Variants in ASTN1 observed in about 807,000 individuals in gnomAD.
The protein encoded by ASTN1 is astrotactin-1.
In ASTN1, 41 loss-of-function variants were observed where a neutral mutation model predicts 140.7. That is an observed-to-expected ratio of 0.29 (90% confidence interval 0.23 to 0.38). The LOEUF is 0.38. ASTN1 is among the 10% of genes least tolerant of loss of function. The pLI is 1.00. For synonymous variants in ASTN1, 640 were observed against 652.2 expected (o/e 0.98, Z 0.29); for missense variants, 1,479 against 1,678.8 (o/e 0.88, Z 2.08).
intron 16 of ASTN1, among the ~76,000 whole-genome samples, chr1:176,914,840 G>C (rs962380408): frequency 2.6e-5 from 4 of 152,144 alleles, no homozygotes; most frequent in Non-Finnish European, 4.4e-5. Flanking sequence ...AGAAATGAAA[G>C]GATTTGGTGC....
At chr1:177,053,995 G>A (rs1445329630) in intron 2 of ASTN1, among the ~76,000 whole-genome samples, 8 of 152,208 alleles carry the variant, frequency 5.3e-5, no homozygotes, top group Admixed American at 5.2e-4. Flanking sequence ...TAAAGTGTCA[G>A]ATGAATCTCA....
At chr1:177,142,619 A>AT (rs1250423249) in intron 1 of ASTN1, among the ~76,000 whole-genome samples, 47 of 152,200 alleles carry the variant, frequency 3.1e-4, no homozygotes, top group Admixed American at 3.1e-3. Context: ...AAAATGTTAC[A>AT]TAAAAAAATG....
intron 2 of ASTN1, among the ~76,000 whole-genome samples, chr1:177,060,142 C>T (rs981296392): frequency 4.6e-5 from 7 of 152,198 alleles, no homozygotes; most frequent in Admixed American, 2.6e-4. Flanking sequence ...TAAACAAAAA[C>T]CCTGGCCTGC....
At chr1:176,916,072 T>C (rs972543235) in intron 16 of ASTN1, among the ~76,000 whole-genome samples, 1 of 152,198 alleles carries the variant, frequency 6.6e-6, no homozygotes, top group Non-Finnish European at 1.5e-5. Context: ...CTACAGTGAA[T>C]CTGAAAACTG....
chr1:176,992,238 T>C (rs1396619368), intron 8 of ASTN1, among the ~76,000 whole-genome samples: 1 of 152,156 alleles, frequency 6.6e-6, no homozygotes. Context: ...ACCCAACAAA[T>C]GGCAGCTATT....
At chr1:177,029,356 A>G (rs1287390020) in intron 5 of ASTN1, 8 of 642,478 alleles carry the variant, frequency 1.2e-5, no homozygotes, top group Admixed American at 1.1e-4. Flanking sequence ...GTCTTCCAGA[A>G]GAAATTGAGA....
At chr1:176,877,601 G>A (rs1017243554) in intron 20 of ASTN1, among the ~76,000 whole-genome samples, 3 of 152,232 alleles carry the variant, frequency 2.0e-5, no homozygotes, top group African/African-American at 7.2e-5. Context: ...AGAGGAAGAA[G>A]AGGAATTCTA....
intron 14 of ASTN1, among the ~76,000 whole-genome samples, chr1:176,942,863 TA>T (rs1557978157): frequency 3.7e-5 from 4 of 107,564 alleles, no homozygotes; most frequent in Non-Finnish European, 5.8e-5. Flanking sequence ...TATATATATA[TA>T]TAGATTGATG....
intron 16 of ASTN1, among the ~76,000 whole-genome samples, chr1:176,900,856 C>T (rs560134763): frequency 3.3e-5 from 5 of 152,302 alleles, no homozygotes; most frequent in African/African-American, 7.2e-5. Context: ...CCAACACCAT[C>T]GGATGGCAGG....
In ASTN1 at chr1:176,926,009, G is replaced by A. The variant is rs570881273; in HGVS notation, c.2671+8143C>T. On this transcript the variant is annotated intron_variant, in intron 16 of 22. Coordinates refer to ENST00000361833, the MANE Select transcript of ASTN1 (RefSeq NM_004319.3). ...TTTTTAGTAGAGACGGGGTTTCACC[G>A]TGTTAGCCAGGATGGTCTCGATCTT... 2.4e-3 allele frequency among the ~76,000 whole-genome samples: 362 copies of A among 151,956 alleles called. 2 individuals carry two copies. The highest frequency in any genetic ancestry group is 8.1e-3 in the African/African-American group (334 of 41,440).
downstream of ASTN1, chr1:176,857,620 ACTCCTCTGACTGTCCCAACACGCTGGAAG>A: frequency 1.6e-6 from 1 of 618,116 alleles, no homozygotes; most frequent in Non-Finnish European, 3.0e-6. Context: ...ATCATCTACA[ACTCCTCTGACTGTCCCAACACGCTGGAAG>A]CCTGTTGACA....
intron 1 of ASTN1, among the ~76,000 whole-genome samples, chr1:177,154,707 G>A (rs1683170876): frequency 6.6e-6 from 1 of 150,710 alleles, no homozygotes; most frequent in African/African-American, 2.4e-5. Flanking sequence ...GGAGATTAGA[G>A]TATTTTCCTA....
chr1:177,145,379 G>GT (rs1682675961), intron 1 of ASTN1, among the ~76,000 whole-genome samples: 1 of 152,144 alleles, frequency 6.6e-6, no homozygotes, highest in African/African-American at 2.4e-5. Context: ...CAGGCTCACT[G>GT]TATGTCCAAA....
chr1:176,899,573 C>T (rs1235651139), intron 16 of ASTN1, among the ~76,000 whole-genome samples: 1 of 152,166 alleles, frequency 6.6e-6, no homozygotes, highest in Non-Finnish European at 1.5e-5. Flanking sequence ...CTAATCAAAT[C>T]CCAGCTTTTG....
intron 1 of ASTN1, among the ~76,000 whole-genome samples, chr1:177,096,542 T>C (rs527609048): frequency 6.6e-6 from 1 of 152,250 alleles, no homozygotes; most frequent in African/African-American, 2.4e-5. Context: ...TCATCTTGAG[T>C]TGTAGCTCCC....
intron 5 of ASTN1, among the ~76,000 whole-genome samples, chr1:177,027,706 C>T (rs1676193157): frequency 7.2e-6 from 1 of 139,058 alleles, no homozygotes; most frequent in South Asian, 2.4e-4. Flanking sequence ...TTTGAGAAAC[C>T]CAGTACAGTG....
intron 16 of ASTN1, among the ~76,000 whole-genome samples, chr1:176,912,482 T>C (rs1670289232): frequency 6.6e-6 from 1 of 152,210 alleles, no homozygotes; most frequent in Admixed American, 6.5e-5. Flanking sequence ...TAAAAACAGG[T>C]AGCAGACCAG....
intron 8 of ASTN1, among the ~76,000 whole-genome samples, chr1:176,984,994 C>G (rs1050186046): frequency 6.6e-6 from 1 of 152,156 alleles, no homozygotes; most frequent in Admixed American, 6.5e-5. Flanking sequence ...CAAAGCTCTC[C>G]CTCCCCACAG....
At chr1:177,027,660 T>C (rs1310716491) in intron 5 of ASTN1, among the ~76,000 whole-genome samples, 1 of 150,982 alleles carries the variant, frequency 6.6e-6, no homozygotes, top group Non-Finnish European at 1.5e-5. Context: ...CATTTTCCTT[T>C]ACTGAAATGC....
Sources: gnomAD v4.1 joint callset for allele counts (sites outside exome capture counted in the v4.1 genomes callset) on GRCh38, gnomAD v4.1.1 for gene constraint, MANE v1.5 for transcripts, NCBI Gene and HGNC (gene_info 2026-07-23, HGNC 2026-07-21) for gene names.